LARP4: variants seen among roughly 807,000 people sequenced by gnomAD.
LARP4 encodes la-related protein 4.
LARP4 carries 29 observed loss-of-function variants against 92.9 expected under a neutral mutation model. The observed-to-expected ratio is 0.31, with a 90% CI of 0.23 to 0.43. The LOEUF is 0.43. Among genes scored for constraint, LARP4 ranks in the 20% least tolerant of loss-of-function variants. The probability of loss-of-function intolerance (pLI) is 1.00; values close to 1 mark genes in which losing one functional copy is unlikely to be tolerated. For missense variants in LARP4, 732 were observed against 860.0 expected (o/e 0.85, Z 1.86); for synonymous variants, 279 against 284.1 (o/e 0.98, Z 0.18).
chr12:50,469,497 C>T (rs879553946), intron 13 of LARP4, among the ~76,000 whole-genome samples: 4 of 148,348 alleles, frequency 2.7e-5, no homozygotes, highest in South Asian at 2.2e-4. Flanking sequence ...CCAGCTTCTC[C>T]GGAGGCTGAG....
chr12:50,474,216 T>A (rs1396203897), intron 15 of LARP4, 49 bp downstream of exon 15: 4 of 258,896 alleles, frequency 1.5e-5, no homozygotes, highest in South Asian at 1.3e-4. Context: ...ATAGATTAGA[T>A]TTTTTTTTTT....
chr12:50,407,064 C>A (rs528662612), intron 1 of LARP4, among the ~76,000 whole-genome samples: 6 of 138,360 alleles, frequency 4.3e-5, no homozygotes, highest in Non-Finnish European at 6.3e-5. Context: ...CTTGCTCTGT[C>A]GCCCAGGCTG....
intron 1 of LARP4, among the ~76,000 whole-genome samples, chr12:50,422,928 T>C (rs1456981663): frequency 6.6e-6 from 1 of 151,416 alleles, no homozygotes; most frequent in African/African-American, 2.4e-5. Flanking sequence ...AGCGATTCTC[T>C]TGTCTTAGCC....
chr12:50,403,775 G>A (rs1326860439), intron 1 of LARP4, among the ~76,000 whole-genome samples: 1 of 152,162 alleles, frequency 6.6e-6, no homozygotes, highest in African/African-American at 2.4e-5. Context: ...ACTAGAATCA[G>A]TAGGATAGAT....
At chr12:50,416,143 C>T (rs1472014689) in intron 1 of LARP4, among the ~76,000 whole-genome samples, 1 of 152,092 alleles carries the variant, frequency 6.6e-6, no homozygotes, top group African/African-American at 2.4e-5. Flanking sequence ...CAGGGTTGGT[C>T]AGCTTTAAGT....
intron 10 of LARP4, among the ~76,000 whole-genome samples, chr12:50,458,841 T>C (rs1285546399): frequency 6.6e-6 from 1 of 152,200 alleles, no homozygotes; most frequent in South Asian, 2.1e-4. Flanking sequence ...CTCCCTTTGT[T>C]AAAAGCAGAT....
intron 10 of LARP4, among the ~76,000 whole-genome samples, chr12:50,455,910 G>T (rs1003409094): frequency 6.6e-6 from 1 of 152,072 alleles, no homozygotes. Context: ...AGCTGGGCGT[G>T]GTGGTGTAGT....
intron 15 of LARP4, among the ~76,000 whole-genome samples, 166 bp from the exon 16 acceptor site, chr12:50,475,360 T>G (rs1429536397): frequency 6.6e-6 from 1 of 152,214 alleles, no homozygotes; most frequent in African/African-American, 2.4e-5. Flanking sequence ...TATTGTATAA[T>G]AAATAAAGAT....
rs552714912 is a variant in LARP4 at position 50,400,929 on chromosome 12, C to T, written c.-82C>T. On this transcript the variant is annotated 5_prime_UTR_variant, in exon 1 of 16. Coordinates refer to ENST00000398473, the MANE Select transcript of LARP4 (RefSeq NM_052879.5). ...TGGAGGGGCAAGGCGAGTGTGTGTC[C>T]TTATCCTAGCAATTGGGGCGCGGGC... 1.2e-5 allele frequency: 19 copies of T among 1,591,938 alleles called. No individual in the cohort carries two copies. The East Asian group carries it at 2.2e-4, about 19-fold the overall frequency.
Position 50,400,994 on chromosome 12 carries a change from G to A in LARP4, c.-17G>A, listed in dbSNP as rs1294667722. On this transcript the variant is annotated 5_prime_UTR_variant, in exon 1 of 16. Coordinates refer to ENST00000398473, the MANE Select transcript of LARP4 (RefSeq NM_052879.5). ...GAGTTGCGGCGGCGGGAACGATTGG[G>A]CTGAGCAGAGGACGACATGTTGCTT... is the stretch of plus-strand genomic sequence containing the variant. The A allele has an allele frequency of 6.2e-7, 1 of 1,614,180 alleles. No individual in the cohort carries two copies. Among genetic ancestry groups the A allele is most frequent in the Admixed American group, 1.7e-5 (1 of 60,022 alleles).
At chr12:50,419,298 G>A (rs879581734) in intron 1 of LARP4, among the ~76,000 whole-genome samples, 32 of 152,298 alleles carry the variant, frequency 2.1e-4, no homozygotes, top group Admixed American at 1.5e-3. Context: ...CTTGGAGGTT[G>A]AGGCTGCAGT....
chr12:50,474,387 G>A (rs1057320506), intron 15 of LARP4, among the ~76,000 whole-genome samples: 4 of 151,910 alleles, frequency 2.6e-5, no homozygotes, highest in Non-Finnish European at 5.9e-5. Context: ...TCACTCTGTC[G>A]CCCAGGCTGG....
intron 8 of LARP4, among the ~76,000 whole-genome samples, chr12:50,449,624 G>A (rs1428899642): frequency 6.6e-6 from 1 of 152,148 alleles, no homozygotes; most frequent in East Asian, 1.9e-4. Context: ...TAGCTGCTAT[G>A]CTCATTGGTC....
intron 1 of LARP4, among the ~76,000 whole-genome samples, chr12:50,424,256 G>C (rs988984976): frequency 1.3e-5 from 2 of 152,060 alleles, no homozygotes; most frequent in African/African-American, 4.8e-5. Context: ...TGTAGTCCTA[G>C]CTACTCAGGA....
chr12:50,433,795 G>T (rs972725594), intron 4 of LARP4, among the ~76,000 whole-genome samples: 3 of 151,918 alleles, frequency 2.0e-5, no homozygotes, highest in Non-Finnish European at 4.4e-5. Context: ...ACGCACAACC[G>T]TGCCTGGCTA....
At chr12:50,470,278 T>A (rs1039447733) in intron 13 of LARP4, among the ~76,000 whole-genome samples, 3 of 152,142 alleles carry the variant, frequency 2.0e-5, no homozygotes, top group Non-Finnish European at 4.4e-5. Context: ...GCAGTATTTT[T>A]ATTTTCTTCT....
chr12:50,474,412 A>G (rs1957316999), intron 15 of LARP4, among the ~76,000 whole-genome samples: 1 of 152,026 alleles, frequency 6.6e-6, no homozygotes, highest in Admixed American at 6.6e-5. Context: ...CAGTGGCACG[A>G]TCTCGCGTCA....
intron 3 of LARP4, among the ~76,000 whole-genome samples, chr12:50,429,881 C>T (rs957301212): frequency 6.6e-6 from 1 of 152,120 alleles, no homozygotes; most frequent in African/African-American, 2.4e-5. Context: ...TCAAGTAATC[C>T]ACCTGCCTTT....
Position 50,427,874 on chromosome 12 carries a change from A to T in LARP4, c.131A>T (p.His44Leu), listed in dbSNP as rs1386979214. 2 of 1,600,824 alleles carry T rather than the reference A, an allele frequency of 1.2e-6. No homozygotes were observed. Among genetic ancestry groups the T allele is most frequent in the South Asian group, 1.1e-5 (1 of 89,080 alleles). The change falls in exon 2 of 16, where the codon CAT (histidine) becomes CTT (leucine). Residue 44 changes from histidine to leucine, a missense_variant. By Grantham distance (99) the His-to-Leu change is moderately conservative. Transcript: ENST00000398473. Reference protein sequence around the residue: ...PVTHGTESSWHEIAATSGAHP... With the variant: ...PVTHGTESSWLEIAATSGAHP... Reference sequence around the variant, plus strand: ...ACTCATGGAACTGAAAGCTCTTGGCATGAAATAGCAGCTACATCAGGTGCT... The same window carrying T: ...ACTCATGGAACTGAAAGCTCTTGGCTTGAAATAGCAGCTACATCAGGTGCT...
Sources: allele counts gnomAD v4.1 joint callset (sites outside exome capture counted in the v4.1 genomes callset), GRCh38; gene constraint gnomAD v4.1.1; transcripts MANE v1.5; gene names NCBI Gene and HGNC (gene_info 2026-07-23, HGNC 2026-07-21).